OSBPL10: variants seen among roughly 807,000 people sequenced by gnomAD.
The protein encoded by OSBPL10 is oxysterol-binding protein-related protein 10.
A neutral mutation model predicts 81.7 loss-of-function variants in OSBPL10; 49 were observed. The ratio of observed to expected loss-of-function variants is 0.60; its 90% CI spans 0.48 to 0.76. OSBPL10 has a LOEUF of 0.76. Among genes scored for constraint, OSBPL10 ranks in the 30% least tolerant of loss-of-function variants. The pLI is 0.00. For missense variants in OSBPL10, 923 were observed against 987.8 expected (o/e 0.93, Z 0.88); for synonymous variants, 419 against 383.6 (o/e 1.09, Z -1.08).
chr3:32,030,552 C>A (rs1699458405), intron 2 of OSBPL10: 1 of 772,792 alleles, frequency 1.3e-6, no homozygotes, highest in South Asian at 1.4e-5. Context: ...AGAAAGAAGC[C>A]AAAGACAAAC....
chr3:31,956,723 C>T (rs1233716945), intron 1 of OSBPL10, among the ~76,000 whole-genome samples: 5 of 149,792 alleles, frequency 3.3e-5, no homozygotes, highest in Admixed American at 2.0e-4. Context: ...AGCGAAACTC[C>T]GTCTCAAAAA....
At chr3:31,929,522 T>C (rs10780018) in intron 1 of OSBPL10, among the ~76,000 whole-genome samples, 74,792 of 151,474 alleles carry the variant, frequency 0.49, 18,670 homozygotes, top group East Asian at 0.7. Flanking sequence ...CCGAGGCAGG[T>C]GGATCACAAG....
chr3:31,687,396 T>C (rs529462587), intron 7 of OSBPL10, among the ~76,000 whole-genome samples: 1 of 152,266 alleles, frequency 6.6e-6, no homozygotes, highest in South Asian at 2.1e-4. Context: ...TGATGTACTT[T>C]TGAAAAGGAG....
At chr3:31,821,935 C>T (rs1021374422) in intron 4 of OSBPL10, among the ~76,000 whole-genome samples, 46 of 152,318 alleles carry the variant, frequency 3.0e-4, no homozygotes, top group African/African-American at 1.1e-3. Flanking sequence ...ACTCCATCCA[C>T]ATGAAACAAG....
At chr3:31,990,333 A>T (rs1407435887) in intron 2 of OSBPL10, 1 of 1,614,146 alleles carries the variant, frequency 6.2e-7, no homozygotes, top group Non-Finnish European at 8.5e-7. Flanking sequence ...ATCATTGGAG[A>T]ATCCATAATG....
chr3:31,940,106 C>CA (rs1277671664), intron 1 of OSBPL10, among the ~76,000 whole-genome samples: 1 of 152,162 alleles, frequency 6.6e-6, no homozygotes, highest in Non-Finnish European at 1.5e-5. Context: ...TATATGTCCA[C>CA]AAAAAAGACT....
At chr3:31,750,872 A>G (rs1336664633) in intron 4 of OSBPL10, among the ~76,000 whole-genome samples, 1 of 152,192 alleles carries the variant, frequency 6.6e-6, no homozygotes, top group East Asian at 1.9e-4. Flanking sequence ...ATTATACAGT[A>G]TAGGATAATT....
intron 2 of OSBPL10, among the ~76,000 whole-genome samples, chr3:32,018,204 A>G (rs1699332549): frequency 6.6e-6 from 1 of 151,838 alleles, no homozygotes; most frequent in Non-Finnish European, 1.5e-5. Flanking sequence ...AATGTCAAAA[A>G]TTATGAAATA....
intron 4 of OSBPL10, among the ~76,000 whole-genome samples, chr3:31,799,697 G>C (rs1699329132): frequency 6.6e-6 from 1 of 152,110 alleles, no homozygotes; most frequent in South Asian, 2.1e-4. Flanking sequence ...TAACCTATTT[G>C]CTTCAAATCA....
At chr3:31,728,173 A>G (rs930732717) in intron 6 of OSBPL10, among the ~76,000 whole-genome samples, 1 of 152,238 alleles carries the variant, frequency 6.6e-6, no homozygotes, top group Non-Finnish European at 1.5e-5. Flanking sequence ...TAAAGATATT[A>G]TAAGTTTTTC....
chr3:31,665,113 G>C (rs1180895310), intron 10 of OSBPL10, among the ~76,000 whole-genome samples: 1 of 152,192 alleles, frequency 6.6e-6, no homozygotes, highest in African/African-American at 2.4e-5. Flanking sequence ...AAAGAAGCTA[G>C]TGTTTAACAC....
chr3:31,989,801 G>T (rs1698998019), intron 2 of OSBPL10: 1 of 1,614,130 alleles, frequency 6.2e-7, no homozygotes, highest in Middle Eastern at 1.6e-4. Flanking sequence ...GCCTTTAATT[G>T]TAGCTCACTC....
At chr3:31,846,399 A>G (rs10222500) in intron 3 of OSBPL10, among the ~76,000 whole-genome samples, 116,307 of 152,048 alleles carry the variant, frequency 0.76, 44,653 homozygotes, top group South Asian at 0.89. Context: ...CAAGGTGAGT[A>G]TATCACCTGA....
chr3:31,905,606 TC>T (rs1451817211), intron 1 of OSBPL10, among the ~76,000 whole-genome samples: 1 of 151,956 alleles, frequency 6.6e-6, no homozygotes, highest in East Asian at 1.9e-4. Context: ...TGCCTCAGCC[TC>T]CCAAAGTGCT....
intron 3 of OSBPL10, among the ~76,000 whole-genome samples, chr3:31,849,832 G>T (rs554123734): frequency 1.3e-5 from 2 of 152,290 alleles, no homozygotes; most frequent in South Asian, 4.1e-4. Flanking sequence ...GAAGCCAGGA[G>T]TTCGAGACCA....
chr3:31,662,658 AT>A, intron 11 of OSBPL10: 1 of 985,998 alleles, frequency 1.0e-6, no homozygotes, highest in Non-Finnish European at 1.2e-6. Context: ...ACTATACTGA[AT>A]AACTGTGCTG....
chr3:31,856,577 C>T (rs188865055), intron 3 of OSBPL10, among the ~76,000 whole-genome samples: 18 of 152,296 alleles, frequency 1.2e-4, no homozygotes, highest in East Asian at 7.7e-4. Flanking sequence ...CTTGCTACTT[C>T]GGAAAACATA....
chr3:31,886,029 AAGG>A (rs1286733445), intron 1 of OSBPL10, among the ~76,000 whole-genome samples: 1 of 139,388 alleles, frequency 7.2e-6, no homozygotes, highest in Non-Finnish European at 1.6e-5. Flanking sequence ...GAAAGAAAGA[AAGG>A]AGAAGGAGAT....
chr3:32,035,029 G>A lies in OSBPL10; in HGVS notation n.298+11462C>T, dbSNP rs926430186. ...TTTCCCATAACTGTTAACTGAAGTT[G>A]TTTCATGGAAGCAGCAGTGTCTACA... On this transcript the variant is annotated intron_variant and non_coding_transcript_variant, in intron 2 of 3. Coordinates refer to the OSBPL10 transcript ENST00000479173. 2.0e-5 allele frequency among the ~76,000 whole-genome samples: 3 copies of A among 152,134 alleles called. No individual in the cohort carries two copies. In the East Asian group the frequency reaches 5.8e-4, roughly 29 times the overall value.
Sources: gnomAD v4.1 joint callset for allele counts (sites outside exome capture counted in the v4.1 genomes callset) on GRCh38, gnomAD v4.1.1 for gene constraint, MANE v1.5 for transcripts, NCBI Gene and HGNC (gene_info 2026-07-23, HGNC 2026-07-21) for gene names.